The following PLXNA4 variants were observed in gnomAD, a reference collection of about 807,000 sequenced individuals.
PLXNA4 encodes the protein plexin A4, also known as plexin-A4.
In PLXNA4, 44 loss-of-function variants were observed where a neutral mutation model predicts 191.8. The ratio of observed to expected loss-of-function variants is 0.23; its 90% confidence interval spans 0.18 to 0.29. The LOEUF (loss-of-function observed/expected upper bound fraction) is 0.29, where lower values mean the gene tolerates loss of function less well. PLXNA4 is among the 10% of genes least tolerant of loss of function. The pLI, the probability that PLXNA4 is intolerant of heterozygous loss-of-function variation, is 1.00. For synonymous variants in PLXNA4, 1,082 were observed against 1,009.5 expected, an observed-to-expected ratio of 1.07 and a Z score of -1.36; for missense variants, 1,800 against 2,488.8, an observed-to-expected ratio of 0.72 and a Z score of 5.89.
At chr7:132,273,678 A>G (rs1800163973) in intron 4 of PLXNA4, among the ~76,000 whole-genome samples, 1 of 152,138 alleles carries the variant, frequency 6.6e-6, no homozygotes, top group African/African-American at 2.4e-5. Flanking sequence ...TCCTCTCCAT[A>G]GCCACAACTT....
chr7:132,635,511 A>G (rs1379100878), intron 2 of PLXNA4, among the ~76,000 whole-genome samples: 1 of 152,160 alleles, frequency 6.6e-6, no homozygotes, highest in Non-Finnish European at 1.5e-5. Flanking sequence ...CAAGAGATAG[A>G]ACACACGATG....
chr7:132,461,440 C>T (rs893809990), intron 3 of PLXNA4, among the ~76,000 whole-genome samples: 3 of 152,196 alleles, frequency 2.0e-5, no homozygotes, highest in Non-Finnish European at 4.4e-5. Context: ...CCAGACACCC[C>T]AGTATGTACA....
chr7:132,531,749 G>A (rs1458559247), intron 1 of PLXNA4, among the ~76,000 whole-genome samples: 2 of 152,168 alleles, frequency 1.3e-5, no homozygotes, highest in African/African-American at 2.4e-5. Context: ...CTCACTTAAC[G>A]ATGCATCAGA....
chr7:132,468,546 T>G (rs1796796687), intron 3 of PLXNA4, among the ~76,000 whole-genome samples: 1 of 152,208 alleles, frequency 6.6e-6, no homozygotes, highest in South Asian at 2.1e-4. Context: ...GGGCAGGCAA[T>G]GCTTCTATCG....
Position 132,128,164 on chromosome 7 carries a change from A to G in PLXNA4, c.*2315T>C, listed in dbSNP as rs1180409210. On this transcript the variant is annotated 3_prime_UTR_variant, in exon 32 of 32. Coordinates refer to ENST00000321063, the MANE Select transcript of PLXNA4 (RefSeq NM_020911.2). ...CTTCCTCAGACCGTCTCCCACATGT[A>G]CCCTTTCTGGCCTTCCAGGTCCTGT... The G allele has an allele frequency of 6.6e-6, 1 of 152,116 alleles. No individual in the cohort carries two copies. The highest frequency in any genetic ancestry group is 2.4e-5 in the African/African-American group (1 of 41,420). 9.4% of individuals were successfully genotyped at this position (152,116 alleles called of 1,614,324 possible). A position where few individuals can be genotyped will look rare whatever the true frequency, so the allele number is the denominator to read the frequency against.
intron 3 of PLXNA4, among the ~76,000 whole-genome samples, chr7:132,342,538 A>T (rs947459196): frequency 2.6e-5 from 4 of 152,096 alleles, no homozygotes; most frequent in African/African-American, 7.2e-5. Flanking sequence ...CTCTATCTCA[A>T]AGATGTTTCT....
intron 4 of PLXNA4, among the ~76,000 whole-genome samples, chr7:132,288,674 C>T (rs1018826262): frequency 1.3e-5 from 2 of 152,138 alleles, no homozygotes; most frequent in African/African-American, 4.8e-5. Flanking sequence ...CTGGAGTGTA[C>T]AGCTCGGCCC....
intron 25 of PLXNA4, among the ~76,000 whole-genome samples, chr7:132,155,863 A>G (rs890866484): frequency 2.6e-5 from 4 of 152,158 alleles, no homozygotes; most frequent in Non-Finnish European, 5.9e-5. Flanking sequence ...TAACATTTAT[A>G]TCAGGATGGA....
At chr7:132,263,825 T>G (rs962915435) in intron 4 of PLXNA4, among the ~76,000 whole-genome samples, 7 of 152,208 alleles carry the variant, frequency 4.6e-5, no homozygotes, top group African/African-American at 1.7e-4. Context: ...CTGGGTAGGT[T>G]CAATGAGAGA....
chr7:132,613,477 C>G (rs920271387), intron 2 of PLXNA4, among the ~76,000 whole-genome samples: 2 of 152,208 alleles, frequency 1.3e-5, no homozygotes, highest in African/African-American at 4.8e-5. Flanking sequence ...GGGGCCATGT[C>G]TCTTTATTCA....
chr7:132,193,660 G>A (rs755070076), intron 14 of PLXNA4, among the ~76,000 whole-genome samples: 49 of 152,128 alleles, frequency 3.2e-4, no homozygotes, highest in Admixed American at 8.5e-4. Context: ...AAGAAACTGA[G>A]GCAAAAACAA....
intron 8 of PLXNA4, 104 bp downstream of exon 8, chr7:132,226,057 G>A (rs776129189): frequency 1.2e-4 from 132 of 1,081,942 alleles, no homozygotes; most frequent in Non-Finnish European, 1.6e-4. Context: ...GCCTCCTCTG[G>A]GGCTTCTAAA....
rs566083738 is a variant in PLXNA4, at chr7:132,203,433, G to T, written c.2299-14C>A. On this transcript the variant is annotated splice_polypyrimidine_tract_variant and intron_variant, in intron 10 of 31. Coordinates refer to ENST00000321063, the MANE Select transcript of PLXNA4 (RefSeq NM_020911.2). ...TTCATAGGAATACTGCAGCCAGGTC[G>T]GGGAGGAGGAAAGAAGAAAGTGGGG... 6.2e-7 allele frequency: 1 copy of T among 1,611,798 alleles called. No homozygotes were observed. The highest frequency in any genetic ancestry group is 1.1e-5 in the South Asian group (1 of 91,044).
chr7:132,304,140 G>C (rs764307251), intron 3 of PLXNA4, among the ~76,000 whole-genome samples: 2 of 152,054 alleles, frequency 1.3e-5, no homozygotes, highest in African/African-American at 2.4e-5. Context: ...TCATAAAGAC[G>C]TAACATACTG....
intron 2 of PLXNA4, among the ~76,000 whole-genome samples, chr7:132,507,276 C>T (rs1798503696): frequency 1.3e-5 from 2 of 152,138 alleles, no homozygotes; most frequent in Non-Finnish European, 2.9e-5. Flanking sequence ...GAGAAAAGTA[C>T]ACTGATGGGA....
chr7:132,206,424 G>A (rs906081019), intron 10 of PLXNA4, among the ~76,000 whole-genome samples: 24 of 142,186 alleles, frequency 1.7e-4, no homozygotes, highest in African/African-American at 6.1e-4. Context: ...ATATGAGAAC[G>A]CTTATGTTTT....
intron 25 of PLXNA4, among the ~76,000 whole-genome samples, chr7:132,156,154 A>T (rs1795788435): frequency 6.6e-6 from 1 of 151,026 alleles, no homozygotes. Flanking sequence ...ACACACACAC[A>T]CACACACACA....
chr7:132,639,810 A>C (rs1416211797), intron 2 of PLXNA4, among the ~76,000 whole-genome samples: 7 of 152,232 alleles, frequency 4.6e-5, no homozygotes, highest in Admixed American at 3.9e-4. Flanking sequence ...TCTTAAAGCC[A>C]TGGCACCCAC....
chr7:132,387,033 CATCA>C (rs2116970918), intron 3 of PLXNA4, among the ~76,000 whole-genome samples: 1 of 152,308 alleles, frequency 6.6e-6, no homozygotes, highest in South Asian at 2.1e-4. Flanking sequence ...TGGGATGTTG[CATCA>C]ATATCAAGTT....
Sources: allele counts gnomAD v4.1 joint callset (sites outside exome capture counted in the v4.1 genomes callset), GRCh38; gene constraint gnomAD v4.1.1; transcripts MANE v1.5; gene names NCBI Gene and HGNC (gene_info 2026-07-23, HGNC 2026-07-21).